The following C18orf63 variants were observed in gnomAD, a reference collection of about 807,000 sequenced individuals.
C18orf63 encodes uncharacterized protein C18orf63.
C18orf63 carries 50 observed loss-of-function variants against 75.3 expected under a neutral mutation model. That is an observed-to-expected ratio of 0.66 (90% confidence interval 0.53 to 0.84). The LOEUF (loss-of-function observed/expected upper bound fraction) is 0.84. Ranked by LOEUF, C18orf63 falls within the 40% of genes least tolerant of loss-of-function variation. The pLI, the probability that C18orf63 is intolerant of heterozygous loss-of-function variation, is 0.00. For synonymous variants in C18orf63, 232 were observed against 267.6 expected (o/e 0.87, Z 1.30); for missense variants, 732 against 800.2 (o/e 0.91, Z 1.03).
intron 8 of C18orf63, among the ~76,000 whole-genome samples, 161 bp from the exon 9 acceptor site, chr18:74,341,871 G>T (rs1465369401): frequency 6.6e-6 from 1 of 152,004 alleles, no homozygotes. Flanking sequence ...AAAATAAAAA[G>T]ATTTAGTACA....
At position 74,354,267 on chromosome 18, in the gene C18orf63, A is replaced by T; in HGVS notation, c.2000A>T (p.Gln667Leu). 1 of 1,502,266 alleles carries T rather than the reference A, an allele frequency of 6.7e-7. No homozygotes were observed. The allele number at this position is 1,502,266 out of a possible 1,614,324, so 93.1% of individuals were successfully genotyped here. Reference protein sequence around the residue: ...HYGQSSSSKKQILDSDKSKLK... With the variant: ...HYGQSSSSKKLILDSDKSKLK... ...GGCCAATCCAGTTCTTCTAAGAAGC[A>T]GGTAAAAAAAAAATTAATCTGGCAC... Residue 667 changes from glutamine (Q) to leucine (L), a missense_variant and splice_region_variant, in exon 12 of 14, where the codon CAG (glutamine) becomes CTG (leucine). Transcript: ENST00000579455.
chr18:74,339,576 C>T (rs1289747289), intron 8 of C18orf63, among the ~76,000 whole-genome samples: 1 of 152,040 alleles, frequency 6.6e-6, no homozygotes, highest in Non-Finnish European at 1.5e-5. Flanking sequence ...TCTCTAAAAT[C>T]AGGAACAAGA....
chr18:74,326,336 G>A (rs990991158), intron 4 of C18orf63, among the ~76,000 whole-genome samples: 1 of 152,166 alleles, frequency 6.6e-6, no homozygotes, highest in Non-Finnish European at 1.5e-5. Context: ...CTTTTTCACA[G>A]AGGCAAAGCC....
rs539314075 is a variant in C18orf63, at chr18:74,320,198, A to G, written c.135-315A>G. Among the ~76,000 whole-genome samples, 313 of 152,350 alleles carry G rather than the reference A, an allele frequency of 2.1e-3. 2 individuals carry two copies. Among genetic ancestry groups the G allele is most frequent in the African/African-American group, 7.4e-3 (307 of 41,576 alleles). On this transcript the variant is annotated intron_variant, in intron 2 of 13. Transcript: ENST00000579455. The stretch of plus-strand genomic sequence containing the variant: ...AGGTTTAATTGACTCACAGTTCCGC[A>G]AGCTTAACAGGAAGCATGATTGGAG...
At chr18:74,320,215 T>C (rs1984096006) in intron 2 of C18orf63, among the ~76,000 whole-genome samples, 1 of 152,052 alleles carries the variant, frequency 6.6e-6, no homozygotes, top group Non-Finnish European at 1.5e-5. Flanking sequence ...ACAGGAAGCA[T>C]GATTGGAGGC....
intron 2 of C18orf63, 103 bp from the exon 3 acceptor site, chr18:74,320,410 G>A (rs1019299206): frequency 1.3e-5 from 9 of 712,492 alleles, no homozygotes; most frequent in Admixed American, 5.3e-5. Flanking sequence ...CTTCCCACCA[G>A]GTCCCTTGCC....
chr18:74,337,071 T>TTTG (rs1313573272), intron 7 of C18orf63, among the ~76,000 whole-genome samples: 1 of 152,112 alleles, frequency 6.6e-6, no homozygotes, highest in Non-Finnish European at 1.5e-5. Flanking sequence ...AGAGTTCACT[T>TTTG]TCTAAAACAA....
intron 6 of C18orf63, 108 bp downstream of exon 6, chr18:74,329,144 T>G: frequency 3.0e-6 from 2 of 666,850 alleles, no homozygotes; most frequent in Non-Finnish European, 5.2e-6. Flanking sequence ...ATCCCAACGG[T>G]TTGGGAGGCC....
chr18:74,330,943 G>C lies in C18orf63; in HGVS notation c.501+1G>C. The C allele has an allele frequency of 2.0e-5, 28 of 1,392,642 alleles. No individual in the cohort carries two copies. The highest frequency in any genetic ancestry group is 2.6e-5 in the Non-Finnish European group (27 of 1,042,304). 86.3% of individuals were successfully genotyped at this position (1,392,642 alleles called of 1,614,324 possible). A position where few individuals can be genotyped will look rare whatever the true frequency, so the allele number is the denominator to read the frequency against. On this transcript the variant is annotated splice_donor_variant, in intron 7 of 13. Coordinates refer to ENST00000579455, the MANE Select transcript of C18orf63 (RefSeq NM_001174123.2). LOFTEE classifies it high-confidence loss of function. ...CACAATCAGACTGCCAGCACCTGAG[G>C]TACCATATATTGTGATTTCTATACT...
rs139816335 is a variant in C18orf63 at position 74,339,087 on chromosome 18, A to C, written c.611+263A>C. ...AAAAGGTAATATTTCTAAATTTCTC[A>C]TTATAAAATGAAAACTATCAAAATA... is the stretch of plus-strand genomic sequence containing the variant. On this transcript the variant is annotated intron_variant, in intron 8 of 13. Transcript: ENST00000579455. Among the ~76,000 whole-genome samples the C allele has an allele frequency of 4.2e-3, 632 of 152,140 alleles. 5 individuals are homozygous for C. Among genetic ancestry groups the C allele is most frequent in the Non-Finnish European group, 4.0e-3 (271 of 67,942 alleles).
At chr18:74,322,555 C>G in intron 3 of C18orf63, 143 bp from the exon 4 acceptor site, 1 of 304,576 alleles carries the variant, frequency 3.3e-6, no homozygotes, top group South Asian at 1.1e-4. Context: ...ATGATCATCA[C>G]TTCTTCTCCA....
chr18:74,355,508 G>GA (rs1182557455), intron 13 of C18orf63, among the ~76,000 whole-genome samples: 1 of 152,088 alleles, frequency 6.6e-6, no homozygotes, highest in Admixed American at 6.6e-5. Context: ...CATCCAGGAG[G>GA]GGGGGCTTAC....
intron 3 of C18orf63, among the ~76,000 whole-genome samples, chr18:74,321,674 A>G (rs1305040335): frequency 1.3e-5 from 2 of 152,142 alleles, no homozygotes; most frequent in South Asian, 4.1e-4. Flanking sequence ...TTAATATCTT[A>G]TTTGTATCTT....
intron 7 of C18orf63, among the ~76,000 whole-genome samples, chr18:74,332,040 C>T (rs1305459094): frequency 1.3e-5 from 2 of 152,108 alleles, no homozygotes; most frequent in Admixed American, 6.5e-5. Flanking sequence ...GGTTCCAAAC[C>T]GTGTGTGATC....
intron 3 of C18orf63, among the ~76,000 whole-genome samples, chr18:74,321,315 C>CT (rs1984117326): frequency 1.3e-5 from 2 of 150,928 alleles, no homozygotes; most frequent in Non-Finnish European, 3.0e-5. Flanking sequence ...CCCTTCCTTC[C>CT]TTTTTTTGAG....
intron 11 of C18orf63, among the ~76,000 whole-genome samples, chr18:74,348,236 A>T (rs1984606299): frequency 6.6e-6 from 1 of 152,108 alleles, no homozygotes; most frequent in Non-Finnish European, 1.5e-5. Flanking sequence ...AGAAAACTAG[A>T]TTGTTTTCCC....
chr18:74,332,058 CTCAT>C, intron 7 of C18orf63, among the ~76,000 whole-genome samples: 1 of 152,240 alleles, frequency 6.6e-6, no homozygotes, highest in East Asian at 1.9e-4. Context: ...ATCTCCCACC[CTCAT>C]TTAAACCCTC....
At position 74,343,533 on chromosome 18, in the gene C18orf63, G is replaced by C; in HGVS notation, c.809G>C (p.Cys270Ser). 13 of 1,527,244 alleles carry C rather than the reference G, an allele frequency of 8.5e-6. No homozygotes were observed. The highest frequency in any genetic ancestry group is 1.1e-5 in the Non-Finnish European group (13 of 1,142,756). 94.6% of individuals were successfully genotyped at this position (1,527,244 alleles called of 1,614,324 possible). ...ACATTGTTCAGATATCCTCTCAGTT[G>C]CATCAGAAGTCAGCCCATGCAGTTC... is the stretch of plus-strand genomic sequence containing the variant. ...GERTFTYPLS[C>S]IRSQPMQFFP... The change falls in exon 11 of 14, where the codon TGC becomes TCC. Residue 270 changes from cysteine (C) to serine (S), a missense_variant. Cys to Ser is a moderately radical substitution (Grantham distance 112, BLOSUM62 -1). Transcript: ENST00000579455.
intron 4 of C18orf63, among the ~76,000 whole-genome samples, chr18:74,325,761 A>C (rs550673815): frequency 6.6e-6 from 1 of 152,324 alleles, no homozygotes; most frequent in South Asian, 2.1e-4. Flanking sequence ...ATAACAATCC[A>C]TTGTTCATGC....
Sources: allele counts gnomAD v4.1 joint callset (sites outside exome capture counted in the v4.1 genomes callset), GRCh38; gene constraint gnomAD v4.1.1; transcripts MANE v1.5; gene names NCBI Gene and HGNC (gene_info 2026-07-23, HGNC 2026-07-21).